The following MS4A14 variants were observed in gnomAD, a reference collection of about 807,000 sequenced individuals.
MS4A14 encodes membrane spanning 4-domains A14, also known as membrane-spanning 4-domains subfamily A member 14.
In MS4A14, 18 loss-of-function variants were observed where a neutral mutation model predicts 16.7. The ratio of observed to expected loss-of-function variants is 1.08; its 90% CI spans 0.75 to 1.60. The LOEUF (loss-of-function observed/expected upper bound fraction) is 1.60, where lower values mean the gene tolerates loss of function less well. MS4A14 is among the 40% of genes most tolerant of loss of function. The pLI is 0.00. For missense variants in MS4A14, 812 were observed against 775.3 expected (o/e 1.05, Z -0.56); for synonymous variants, 305 against 289.4 (o/e 1.05, Z -0.55).
At position 60,416,846 on chromosome 11, in the gene MS4A14, C is replaced by T. The variant is rs147367847; in HGVS notation, c.1878C>T (p.Ala626=). 2.5e-3 allele frequency: 4,001 copies of T among 1,613,584 alleles called. 5 individuals are homozygous for T. The highest frequency in any genetic ancestry group is 3.0e-3 in the Non-Finnish European group (3,485 of 1,179,824). ...AAGGACAATTCCAAAATGTTCAAGC[C>T]GAAGGACAGCAAGCTCAGGTGGAGA... The part of the protein sequence containing the change: ...SPKGQFQNVQ[A]EGQQAQVEKV... Residue 626 remains alanine (A), a synonymous_variant, in exon 5 of 5, where the codon GCC becomes GCT. Transcript: ENST00000300187.
At position 60,415,562 on chromosome 11, in the gene MS4A14, A is replaced by C. The variant is rs2135154560; in HGVS notation, c.594A>C (p.Gln198His). The change falls in exon 5 of 5, where the codon CAA becomes CAC. Residue 198 changes from glutamine to histidine, a missense_variant. Gln to His is a conservative substitution (Grantham distance 24, BLOSUM62 0). Coordinates refer to ENST00000300187, the MANE Select transcript of MS4A14 (RefSeq NM_032597.5). ...FSSDDSTTNA[Q>H]SVIFGGYAFF... Reference sequence around the variant, plus strand: ...GTGATGATTCAACAACAAATGCACAATCTGTTATCTTTGGAGGCTATGCTT... The same window carrying C: ...GTGATGATTCAACAACAAATGCACACTCTGTTATCTTTGGAGGCTATGCTT... The C allele has an allele frequency of 6.2e-7, 1 of 1,613,780 alleles. No individual in the cohort carries two copies. Among genetic ancestry groups the C allele is most frequent in the Non-Finnish European group, 8.5e-7 (1 of 1,179,782 alleles).
Position 60,416,615 on chromosome 11 carries a change from T to A in MS4A14, c.1647T>A (p.Asp549Glu), listed in dbSNP as rs985805617. ...TATCCCCAAAGAGGCACTCCGTAGA[T>A]AAGCAAGCTCAACTTAATCAAACTA... ...DWLSPKRHSV[D>E]KQAQLNQTKE... The change falls in exon 5 of 5, where the codon GAT becomes GAA. Residue 549 changes from aspartate to glutamate, a missense_variant. Physicochemically the swap from Asp to Glu is conservative, Grantham distance 45. Transcript: ENST00000300187. 1 of 1,613,828 alleles carries A rather than the reference T, an allele frequency of 6.2e-7. No individual in the cohort carries two copies. Among genetic ancestry groups the A allele is most frequent in the African/African-American group, 1.3e-5 (1 of 74,970 alleles).
At position 60,415,849 on chromosome 11, in the gene MS4A14, T is replaced by C. The variant is rs931701872; in HGVS notation, c.881T>C (p.Leu294Pro). Residue 294 changes from leucine (L) to proline (P), a missense_variant, in exon 5 of 5, where the codon CTG becomes CCG. By Grantham distance (98) the Leu-to-Pro change is moderately conservative (BLOSUM62 -3). Coordinates refer to ENST00000300187, the MANE Select transcript of MS4A14 (RefSeq NM_032597.5). ...CCTTCTCAAATGCAAACCAAGCTTC[T>C]GCAGGACCAAGCTGCGTCACTCCAA... ...VQPSQMQTKL[L>P]QDQAASLQVF... 1 of 1,613,910 alleles carries C rather than the reference T, an allele frequency of 6.2e-7. No homozygotes were observed.
chr11:60,405,460 T>C (rs2085773709), intron 4 of MS4A14, among the ~76,000 whole-genome samples: 1 of 152,248 alleles, frequency 6.6e-6, no homozygotes, highest in African/African-American at 2.4e-5. Context: ...ATGTTACTTC[T>C]CAATATAAAC....
chr11:60,401,194 C>T (rs1313088605), intron 3 of MS4A14, among the ~76,000 whole-genome samples: 1 of 152,176 alleles, frequency 6.6e-6, no homozygotes, highest in East Asian at 1.9e-4. Flanking sequence ...AATGTTCATA[C>T]TCCTTTCTAA....
In MS4A14 at chr11:60,400,956, A is replaced by G. The variant is rs139568192; in HGVS notation, c.318+502A>G. ...CCAAAACCAATCCTAAGCTCTCACT[A>G]ATTCTTCCTCCCAATCCTAGCCCTA... On this transcript the variant is annotated intron_variant, in intron 3 of 4. Transcript: ENST00000300187. Among the ~76,000 whole-genome samples, 17 of 152,046 alleles carry G rather than the reference A, an allele frequency of 1.1e-4. No individual in the cohort carries two copies. In the East Asian group the frequency reaches 3.3e-3, roughly 29 times the overall value.
Position 60,416,792 on chromosome 11 carries a change from C to A in MS4A14, c.1824C>A (p.Asp608Glu). The A allele has an allele frequency of 6.2e-7, 1 of 1,613,586 alleles. No homozygotes were observed. The part of the protein sequence containing the change: ...KKQTQDQQTE[D>E]QPAQEKKSPK... Reference sequence around the variant, plus strand: ...AAACCCAGGATCAGCAAACTGAAGACCAGCCGGCCCAAGAGAAGAAATCCC... The same window carrying A: ...AAACCCAGGATCAGCAAACTGAAGAACAGCCGGCCCAAGAGAAGAAATCCC... The change falls in exon 5 of 5, where the codon GAC becomes GAA. Residue 608 changes from aspartate (D) to glutamate (E), a missense_variant. Physicochemically the swap from Asp to Glu is conservative, Grantham distance 45. Transcript: ENST00000300187.
In MS4A14 at chr11:60,416,870, G is replaced by GA. The variant is rs1422131342; in HGVS notation, c.1905dup (p.Val636SerfsTer210). ...CCGAAGGACAGCAAGCTCAGGTGGA[G>GA]AAAGTGCCAAAACTGTTATGCCAAG... is the stretch of plus-strand genomic sequence containing the variant. On this transcript the variant is annotated frameshift_variant, in exon 5 of 5. Coordinates refer to ENST00000300187, the MANE Select transcript of MS4A14 (RefSeq NM_032597.5). LOFTEE classifies it low-confidence loss of function (END_TRUNC). The GA allele has an allele frequency of 1.1e-5, 17 of 1,613,640 alleles. No individual in the cohort carries two copies. The highest frequency in any genetic ancestry group is 1.4e-5 in the Non-Finnish European group (16 of 1,179,820).
intron 4 of MS4A14, chr11:60,405,853 T>C (rs1373950307): frequency 7.0e-7 from 1 of 1,433,608 alleles, no homozygotes; most frequent in Admixed American, 2.0e-5. Context: ...ACAGCTCTCA[T>C]TTCAAATACC....
chr11:60,407,120 C>G (rs1304594843), intron 4 of MS4A14, among the ~76,000 whole-genome samples: 1 of 142,060 alleles, frequency 7.0e-6, no homozygotes, highest in African/African-American at 2.6e-5. Flanking sequence ...ACTCAAGCAA[C>G]CTTTCCACCT....
intron 4 of MS4A14, among the ~76,000 whole-genome samples, chr11:60,404,066 T>G (rs1192739964): frequency 6.6e-6 from 1 of 152,276 alleles, no homozygotes; most frequent in African/African-American, 2.4e-5. Flanking sequence ...GCCAAGAACA[T>G]GATACAACAT....
At chr11:60,414,552 C>A (rs549190531) in intron 4 of MS4A14, among the ~76,000 whole-genome samples, 1 of 152,094 alleles carries the variant, frequency 6.6e-6, no homozygotes, top group Non-Finnish European at 1.5e-5. Context: ...GCTGCAGTAA[C>A]AACCTCCTAA....
chr11:60,401,519 A>T (rs938194985), intron 3 of MS4A14, among the ~76,000 whole-genome samples: 1 of 152,234 alleles, frequency 6.6e-6, no homozygotes, highest in African/African-American at 2.4e-5. Flanking sequence ...TGGAGGCAGG[A>T]TGCTGAACCA....
chr11:60,406,971 T>C (rs1013381461), intron 4 of MS4A14, among the ~76,000 whole-genome samples: 1 of 151,936 alleles, frequency 6.6e-6, no homozygotes, highest in African/African-American at 2.4e-5. Context: ...ATTCCCTTTA[T>C]GTATGGGTAC....
chr11:60,417,194 C>T lies in MS4A14; in HGVS notation c.*186C>T, dbSNP rs554510522. ...TCAAGACACTCAAGATAAAGACCAA[C>T]AAGACCTTCAATCCAGAGTTACACA... On this transcript the variant is annotated 3_prime_UTR_variant, in exon 5 of 5. Transcript: ENST00000300187. 13 of 631,604 alleles carry T rather than the reference C, an allele frequency of 2.1e-5. No homozygotes were observed. In the East Asian group the frequency reaches 3.9e-4, roughly 19 times the overall value. 39.1% of individuals were successfully genotyped at this position (631,604 alleles called of 1,614,324 possible). A position where few individuals can be genotyped will look rare whatever the true frequency, so the allele number is the denominator to read the frequency against.
At chr11:60,402,787 G>A in intron 3 of MS4A14, 125 bp from the exon 4 acceptor site, 1 of 952,354 alleles carries the variant, frequency 1.1e-6, no homozygotes, top group Non-Finnish European at 1.6e-6. Context: ...CAATCATACT[G>A]ACCTGATGGA....
chr11:60,400,386 C>T lies in MS4A14; in HGVS notation c.268-18C>T, dbSNP rs981156549. 1.3e-6 allele frequency: 2 copies of T among 1,575,590 alleles called. No homozygotes were observed. Among genetic ancestry groups the T allele is most frequent in the Non-Finnish European group, 1.7e-6 (2 of 1,152,738 alleles). On this transcript the variant is annotated intron_variant, in intron 2 of 4. Transcript: ENST00000300187. ...AAACACATCACCTGTTAACTTTTGTCTCTTGTCTTCTTAACAGTTTATTCT... is the reference window on the plus strand; with the variant it reads ...AAACACATCACCTGTTAACTTTTGTTTCTTGTCTTCTTAACAGTTTATTCT...
intron 2 of MS4A14, among the ~76,000 whole-genome samples, chr11:60,400,182 G>C (rs547126218): frequency 6.6e-6 from 1 of 152,162 alleles, no homozygotes; most frequent in Non-Finnish European, 1.5e-5. Context: ...GCCTGTCCCA[G>C]TTGGCCCTGG....
chr11:60,416,805 G>A lies in MS4A14; in HGVS notation c.1837G>A (p.Glu613Lys). The change falls in exon 5 of 5, where the codon GAG (glutamate) becomes AAG (lysine). Residue 613 changes from glutamate to lysine, a missense_variant. Glu to Lys is a moderately conservative substitution (Grantham distance 56). Coordinates refer to ENST00000300187, the MANE Select transcript of MS4A14 (RefSeq NM_032597.5). ...DQQTEDQPAQ[E>K]KKSPKGQFQN... is the part of the protein sequence containing the mutation. ...GCAAACTGAAGACCAGCCGGCCCAA[G>A]AGAAGAAATCCCCGAAAGGACAATT... is the stretch of plus-strand genomic sequence containing the variant. 1 of 1,613,592 alleles carries A rather than the reference G, an allele frequency of 6.2e-7. No individual in the cohort carries two copies. The highest frequency in any genetic ancestry group is 8.5e-7 in the Non-Finnish European group (1 of 1,179,788).
Sources: allele counts gnomAD v4.1 joint callset (sites outside exome capture counted in the v4.1 genomes callset), GRCh38; gene constraint gnomAD v4.1.1; transcripts MANE v1.5; gene names NCBI Gene and HGNC (gene_info 2026-07-23, HGNC 2026-07-21).